Variants in DENND10 observed in about 807,000 individuals in gnomAD.
DENND10 encodes the protein DENN domain-containing protein 10.
In DENND10, 24 loss-of-function variants were observed where a neutral mutation model predicts 43.6. That is an observed-to-expected ratio of 0.55 (90% CI 0.40 to 0.77). DENND10 has a LOEUF of 0.77. DENND10 is among the 30% of genes least tolerant of loss of function. DENND10 has a pLI of 0.00. For missense variants in DENND10, 303 were observed against 429.9 expected, an observed-to-expected ratio of 0.70 and a Z score of 2.61; for synonymous variants, 125 against 157.6, an observed-to-expected ratio of 0.79 and a Z score of 1.55.
At chr10:119,130,382 A>C (rs7098742) in intron 7 of DENND10, among the ~76,000 whole-genome samples, 12,261 of 151,066 alleles carry the variant, frequency 0.081, 1,356 homozygotes, top group African/African-American at 0.25. Flanking sequence ...CTGGTCTTGA[A>C]CTCCTGACTT....
intron 3 of DENND10, among the ~76,000 whole-genome samples, chr10:119,115,382 A>ATTTTTTTTTTTTTTTTTTTTTTTTTTTTT: frequency 2.1e-5 from 1 of 48,392 alleles, no homozygotes; most frequent in African/African-American, 6.3e-5. Flanking sequence ...TGAATTGGTA[A>ATTTTTTTTTTTTTTTTTTTTTTTTTTTTT]TTTTTTTTTT....
intron 4 of DENND10, among the ~76,000 whole-genome samples, chr10:119,118,837 A>ATT (rs33924884): frequency 1.8e-4 from 15 of 84,224 alleles, no homozygotes; most frequent in Admixed American, 4.2e-4. Context: ...TGCCCAGCTA[A>ATT]TTTTTTTTTT....
chr10:119,121,685 C>T (rs1352277396), intron 5 of DENND10, among the ~76,000 whole-genome samples: 1 of 151,408 alleles, frequency 6.6e-6, no homozygotes, highest in Non-Finnish European at 1.5e-5. Context: ...GATCTCTTGA[C>T]CTCGTAATCT....
intron 5 of DENND10, 102 bp from the exon 6 acceptor site, chr10:119,123,367 C>T: frequency 1.2e-6 from 1 of 822,010 alleles, no homozygotes; most frequent in African/African-American, 1.7e-5. Flanking sequence ...TAGCTGTAGA[C>T]TCTACCCTCT....
intron 5 of DENND10, among the ~76,000 whole-genome samples, chr10:119,120,760 G>C (rs1339673289): frequency 1.3e-5 from 2 of 152,150 alleles, no homozygotes; most frequent in Admixed American, 6.6e-5. Flanking sequence ...CAACCATGGA[G>C]GACACGTACA....
At chr10:119,119,739 A>G (rs1300052441) in intron 4 of DENND10, among the ~76,000 whole-genome samples, 1 of 143,496 alleles carries the variant, frequency 7.0e-6, no homozygotes, top group Non-Finnish European at 1.5e-5. Context: ...TTTTTTTTTA[A>G]ATCAGGAAGT....
intron 1 of DENND10, among the ~76,000 whole-genome samples, chr10:119,107,297 CAAAA>C (rs78265277): frequency 7.6e-6 from 1 of 130,966 alleles, no homozygotes. Flanking sequence ...GACTCCGCCT[CAAAA>C]AAAAAAAAAA....
chr10:119,129,807 C>G (rs899285910), intron 7 of DENND10, among the ~76,000 whole-genome samples, 185 bp downstream of exon 7: 3 of 152,182 alleles, frequency 2.0e-5, no homozygotes, highest in African/African-American at 7.2e-5. Context: ...ATCCCGGGTG[C>G]TTATGCAGCA....
intron 3 of DENND10, among the ~76,000 whole-genome samples, chr10:119,115,489 G>T (rs920579046): frequency 1.0e-5 from 1 of 100,096 alleles, no homozygotes; most frequent in African/African-American, 3.4e-5. Flanking sequence ...CCGGGTTCAC[G>T]CCATTCTCCT....
chr10:119,106,416 C>T (rs757056649), intron 1 of DENND10, among the ~76,000 whole-genome samples: 11 of 152,128 alleles, frequency 7.2e-5, no homozygotes, highest in Non-Finnish European at 1.5e-4. Flanking sequence ...GCATAGCTCA[C>T]GACAACCTCT....
At chr10:119,119,200 C>T (rs1241930125) in intron 4 of DENND10, among the ~76,000 whole-genome samples, 1 of 152,138 alleles carries the variant, frequency 6.6e-6, no homozygotes, top group Non-Finnish European at 1.5e-5. Flanking sequence ...GATGGGGTTT[C>T]TCCATGTTGG....
chr10:119,137,943 A>G lies in DENND10; in HGVS notation c.*1296A>G, dbSNP rs1359788375. 1.2e-5 allele frequency: 2 copies of G among 166,988 alleles called. No homozygotes were observed. Among genetic ancestry groups the G allele is most frequent in the African/African-American group, 4.8e-5 (2 of 41,402 alleles). 10.3% of individuals were successfully genotyped at this position (166,988 alleles called of 1,614,324 possible). ...ATGATCAAAGTTGTTAAAATTATAA[A>G]TTTATGATGCAGAAATAAAATTGAT... On this transcript the variant is annotated 3_prime_UTR_variant, in exon 9 of 9. Coordinates refer to ENST00000361432, the MANE Select transcript of DENND10 (RefSeq NM_207009.4).
intron 8 of DENND10, chr10:119,135,231 C>T (rs1846271427): frequency 6.6e-6 from 1 of 151,336 alleles, no homozygotes. Context: ...GCATTATCAT[C>T]TTATGGGACT....
chr10:119,120,307 A>G, intron 4 of DENND10, 34 bp from the exon 5 acceptor site: 1 of 1,253,146 alleles, frequency 8.0e-7, no homozygotes, highest in Non-Finnish European at 1.2e-6. Context: ...CATGATGTGT[A>G]ATGCAGTAAC....
chr10:119,116,731 C>G (rs1845301375), intron 3 of DENND10, among the ~76,000 whole-genome samples: 1 of 149,318 alleles, frequency 6.7e-6, no homozygotes, highest in South Asian at 2.1e-4. Flanking sequence ...TGCAGTGGTG[C>G]AATCTCGGCT....
chr10:119,132,153 CTG>C lies in DENND10; in HGVS notation c.803-360_803-359del, dbSNP rs899837705. 6.6e-6 allele frequency among the ~76,000 whole-genome samples: 1 copy of C among 152,204 alleles called. No individual in the cohort carries two copies. Among genetic ancestry groups the C allele is most frequent in the Non-Finnish European group, 1.5e-5 (1 of 68,044 alleles). Reference sequence around the variant, plus strand: ...CCCGCCAAAAAGATACATTTCTTAACTGTAAAGAGCTGGACTAGAACGTCAGA... The same window carrying C: ...CCCGCCAAAAAGATACATTTCTTAACTAAAGAGCTGGACTAGAACGTCAGA... On this transcript the variant is annotated intron_variant, in intron 7 of 8. Transcript: ENST00000361432. The surrounding 1 kb of genome is among the most constrained non-coding windows in gnomAD (Gnocchi z 4.2).
rs1179522722 is a variant in DENND10, at chr10:119,136,718, T to G, written c.*71T>G. ...TCACTCTGATTACCCACTCACTACA[T>G]GAAGTCCTGAAAATAACAGAGAAAC... On this transcript the variant is annotated 3_prime_UTR_variant, in exon 9 of 9. Transcript: ENST00000361432. 12 of 688,650 alleles carry G rather than the reference T, an allele frequency of 1.7e-5. No individual in the cohort carries two copies. Among genetic ancestry groups the G allele is most frequent in the Non-Finnish European group, 2.6e-5 (11 of 420,324 alleles). 42.7% of individuals were successfully genotyped at this position (688,650 alleles called of 1,614,324 possible). A position where few individuals can be genotyped will look rare whatever the true frequency, so the allele number is the denominator to read the frequency against.
chr10:119,113,513 G>A (rs1845084098), intron 3 of DENND10, among the ~76,000 whole-genome samples: 2 of 147,396 alleles, frequency 1.4e-5, no homozygotes, highest in Non-Finnish European at 3.0e-5. Flanking sequence ...AAAAAAAAAT[G>A]TTGTTACTAG....
chr10:119,129,470 A>T, intron 6 of DENND10, 45 bp from the exon 7 acceptor site: 1 of 1,286,372 alleles, frequency 7.8e-7, no homozygotes, highest in Non-Finnish European at 1.1e-6. Context: ...TGGGTTCACC[A>T]TATTTCTTCC....
Sources: gnomAD v4.1 joint callset for allele counts (sites outside exome capture counted in the v4.1 genomes callset) on GRCh38, gnomAD v4.1.1 for gene constraint, Gnocchi (gnomAD v3.1) non-coding constraint, MANE v1.5 for transcripts, NCBI Gene and HGNC (gene_info 2026-07-23, HGNC 2026-07-21) for gene names.